STXBP4: variants seen among roughly 807,000 people sequenced by gnomAD.
The protein encoded by STXBP4 is syntaxin binding protein 4.
Under a neutral mutation model 76.1 loss-of-function variants are expected in STXBP4, and 55 were observed. That is an observed-to-expected ratio of 0.72 (90% CI 0.58 to 0.91). STXBP4 has a LOEUF of 0.91. Ranked by LOEUF, STXBP4 falls within the 40% of genes least tolerant of loss-of-function variation. STXBP4 has a pLI of 0.00. For missense variants in STXBP4, 618 were observed against 636.9 expected, an observed-to-expected ratio of 0.97 and a Z score of 0.32; for synonymous variants, 201 against 220.2, an observed-to-expected ratio of 0.91 and a Z score of 0.77.
At chr17:55,207,785 T>G in the STXBP4 span, among the ~76,000 whole-genome samples, 1 of 152,238 alleles carries the variant, frequency 6.6e-6, no homozygotes, top group Non-Finnish European at 1.5e-5. Flanking sequence ...CACACTCTCA[T>G]GCACGCACGT....
chr17:55,070,257 G>C (rs2079104768), intron 12 of STXBP4, among the ~76,000 whole-genome samples: 2 of 152,124 alleles, frequency 1.3e-5, no homozygotes, highest in South Asian at 4.1e-4. Flanking sequence ...CATATCCATG[G>C]CAGTGTGTGG....
Position 55,035,856 on chromosome 17 carries a change from T to C in STXBP4, c.855+1597T>C, listed in dbSNP as rs935871113. On this transcript the variant is annotated intron_variant, in intron 10 of 17. Coordinates refer to ENST00000376352, the MANE Select transcript of STXBP4 (RefSeq NM_178509.6). Reference sequence around the variant, plus strand: ...TGATATCTAATAAGATGTTCTCGTATCTTATTTGTGTTTATCTTATTTACT... The same window carrying C: ...TGATATCTAATAAGATGTTCTCGTACCTTATTTGTGTTTATCTTATTTACT... 2.6e-5 allele frequency among the ~76,000 whole-genome samples: 4 copies of C among 151,968 alleles called. No individual in the cohort carries two copies. The South Asian group carries it at 8.3e-4, about 31-fold the overall frequency.
intron 12 of STXBP4, among the ~76,000 whole-genome samples, chr17:55,060,229 A>G (rs1380154183): frequency 6.6e-6 from 1 of 152,150 alleles, no homozygotes; most frequent in Non-Finnish European, 1.5e-5. Context: ...TTATGTACAT[A>G]GAATGATATT....
intron 7 of STXBP4, among the ~76,000 whole-genome samples, chr17:55,005,168 C>T (rs2077985664): frequency 6.6e-6 from 1 of 152,178 alleles, no homozygotes; most frequent in Admixed American, 6.5e-5. Context: ...CATAAGTTTT[C>T]ACAGTAGTTT....
intron 8 of STXBP4, among the ~76,000 whole-genome samples, chr17:55,024,277 C>T (rs944486651): frequency 6.6e-6 from 1 of 152,210 alleles, no homozygotes; most frequent in Non-Finnish European, 1.5e-5. Context: ...TGGACATATA[C>T]ACTAGAGAAA....
At chr17:55,095,237 A>G (rs2079469503) in intron 16 of STXBP4, among the ~76,000 whole-genome samples, 1 of 152,248 alleles carries the variant, frequency 6.6e-6, no homozygotes, top group African/African-American at 2.4e-5. Flanking sequence ...GTGGTAAAAT[A>G]TAGTCAATTA....
chr17:55,013,752 C>T (rs1300227966), intron 8 of STXBP4, among the ~76,000 whole-genome samples: 3 of 152,228 alleles, frequency 2.0e-5, no homozygotes, highest in African/African-American at 7.2e-5. Flanking sequence ...TGATAACTGA[C>T]TCAAGTCTTG....
At chr17:55,077,464 G>A (rs2079197151) in intron 13 of STXBP4, among the ~76,000 whole-genome samples, 1 of 152,114 alleles carries the variant, frequency 6.6e-6, no homozygotes, top group South Asian at 2.1e-4. Context: ...TCAAAACACT[G>A]TTTACCTCTG....
In STXBP4 at chr17:55,095,605, G is replaced by A. The variant is rs371586712; in HGVS notation, c.1489+14422G>A. ...AGTTCAGTTCCTGCCTTCAACAACAGAGTATTAATATTACTGTTGCAGGTA... is the reference window on the plus strand; with the variant it reads ...AGTTCAGTTCCTGCCTTCAACAACAAAGTATTAATATTACTGTTGCAGGTA... On this transcript the variant is annotated intron_variant, in intron 16 of 17. Coordinates refer to ENST00000376352, the MANE Select transcript of STXBP4 (RefSeq NM_178509.6). Among the ~76,000 whole-genome samples, 13 of 152,294 alleles carry A rather than the reference G, an allele frequency of 8.5e-5. No individual in the cohort carries two copies. In the East Asian group the frequency reaches 2.5e-3, roughly 29 times the overall value.
Position 55,023,705 on chromosome 17 carries a change from T to C in STXBP4, c.667-7463T>C, listed in dbSNP as rs1259557992. Among the ~76,000 whole-genome samples the C allele has an allele frequency of 2.0e-5, 3 of 151,050 alleles. No homozygotes were observed. The East Asian group carries it at 5.8e-4, about 29-fold the overall frequency. ...TAGGAAGGAAGAAAAAAAAGAAGAA[T>C]GGGTGAGAGGAGAGGAGGGATGGAA... On this transcript the variant is annotated intron_variant, in intron 8 of 17. Transcript: ENST00000376352.
intron 16 of STXBP4, among the ~76,000 whole-genome samples, chr17:55,110,845 A>G (rs2079703771): frequency 6.6e-6 from 1 of 152,218 alleles, no homozygotes; most frequent in African/African-American, 2.4e-5. Flanking sequence ...TAAATAAGTC[A>G]GGACTTGGTT....
chr17:55,075,562 T>C (rs2079171923), intron 13 of STXBP4, among the ~76,000 whole-genome samples: 1 of 152,204 alleles, frequency 6.6e-6, no homozygotes, highest in Non-Finnish European at 1.5e-5. Context: ...AGTTGAATAA[T>C]TGTAAGTTTG....
At position 55,170,468 on chromosome 17, in the gene STXBP4, CTA is replaced by C. The variant is rs2080399879; in HGVS notation, c.*10559_*10560del. On this transcript the variant is annotated 3_prime_UTR_variant, in exon 18 of 18. Transcript: ENST00000376352. The stretch of plus-strand genomic sequence containing the variant: ...AATTAGATGACATTATTTGTGATAT[CTA>C]TTTTATTTATTATATTTTTCTGCAT... The C allele has an allele frequency of 6.6e-6, 1 of 151,996 alleles. No individual in the cohort carries two copies. Among genetic ancestry groups the C allele is most frequent in the Non-Finnish European group, 1.5e-5 (1 of 67,976 alleles). The allele number at this position is 151,996 out of a possible 1,614,324, so 9.4% of individuals were successfully genotyped here.
chr17:55,141,203 T>G, intron 16 of STXBP4, 107 bp from the exon 17 acceptor site: 1 of 910,128 alleles, frequency 1.1e-6, no homozygotes, highest in Non-Finnish European at 1.7e-6. Flanking sequence ...TTATTTTGTA[T>G]AAGAAATGTG....
At chr17:55,185,487 G>T in the STXBP4 span, among the ~76,000 whole-genome samples, 1 of 151,988 alleles carries the variant, frequency 6.6e-6, no homozygotes, top group Non-Finnish European at 1.5e-5. Context: ...AAAGAGAATA[G>T]AAATTATAAG....
intron 8 of STXBP4, among the ~76,000 whole-genome samples, chr17:55,018,082 T>G (rs1437030237): frequency 6.6e-6 from 1 of 152,090 alleles, no homozygotes; most frequent in African/African-American, 2.4e-5. Context: ...TCTCTGACCT[T>G]GGGTTCTTGG....
chr17:55,114,237 C>A (rs1281847481), intron 16 of STXBP4, among the ~76,000 whole-genome samples: 2 of 151,914 alleles, frequency 1.3e-5, no homozygotes, highest in South Asian at 4.2e-4. Context: ...GGGTTGGAAG[C>A]CAACCTTACT....
chr17:55,055,665 A>G (rs976488689), intron 12 of STXBP4, among the ~76,000 whole-genome samples: 4 of 152,212 alleles, frequency 2.6e-5, no homozygotes, highest in African/African-American at 9.6e-5. Context: ...ATGAGGGCCT[A>G]CATGACCTGC....
At chr17:54,986,015 A>T (rs2077621845) in intron 2 of STXBP4, 127 bp from the exon 3 acceptor site, 1 of 556,564 alleles carries the variant, frequency 1.8e-6, no homozygotes, top group Non-Finnish European at 3.2e-6. Context: ...CATACAATAC[A>T]TCTAACATCT....
Sources: gnomAD v4.1 joint callset for allele counts (sites outside exome capture counted in the v4.1 genomes callset) on GRCh38, gnomAD v4.1.1 for gene constraint, MANE v1.5 for transcripts, NCBI Gene and HGNC (gene_info 2026-07-23, HGNC 2026-07-21) for gene names.